The following RGS8 variants were observed in gnomAD, a reference collection of about 807,000 sequenced individuals.
The protein encoded by RGS8 is regulator of G-protein signaling 8.
Under a neutral mutation model 21.7 loss-of-function variants are expected in RGS8, and 8 were observed. The observed-to-expected ratio is 0.37, with a 90% confidence interval of 0.22 to 0.66. The LOEUF is 0.66. RGS8 is among the 30% of genes least tolerant of loss of function. RGS8 has a pLI of 0.59. For synonymous variants in RGS8, 80 were observed against 83.6 expected (o/e 0.96, Z 0.24); for missense variants, 157 against 217.9 (o/e 0.72, Z 1.76).
chr1:182,746,887 T>C, the RGS8 span, among the ~76,000 whole-genome samples: 1 of 151,930 alleles, frequency 6.6e-6, no homozygotes, highest in South Asian at 2.1e-4. Context: ...TGCTCTGACC[T>C]GCATCTCCTA....
At chr1:182,733,873 A>AAGTT in the RGS8 span, 3 of 148,186 alleles carry the variant, frequency 2.0e-5, no homozygotes, top group Non-Finnish European at 4.5e-5. Flanking sequence ...CCTAGATACC[A>AAGTT]AGTTATTTAT....
At chr1:182,743,227 C>T in the RGS8 span, among the ~76,000 whole-genome samples, 1 of 152,134 alleles carries the variant, frequency 6.6e-6, no homozygotes, top group Non-Finnish European at 1.5e-5. Context: ...ACTTTGTGAC[C>T]TCAAAGAAGT....
At chr1:182,658,392 G>A (rs1448966733) in intron 5 of RGS8, 2 of 152,130 alleles carry the variant, frequency 1.3e-5, no homozygotes, top group Admixed American at 6.6e-5. Context: ...AAATACAAGA[G>A]CACAACAACA....
chr1:182,738,138 A>G, the RGS8 span, among the ~76,000 whole-genome samples: 1 of 152,268 alleles, frequency 6.6e-6, no homozygotes. Context: ...AATTCATTAT[A>G]TATTCATTAT....
chr1:182,663,571 C>G (rs1192444603), intron 5 of RGS8, among the ~76,000 whole-genome samples: 1 of 152,144 alleles, frequency 6.6e-6, no homozygotes, highest in Non-Finnish European at 1.5e-5. Context: ...CTCCGTCACC[C>G]AGGCTGGAAT....
the RGS8 span, among the ~76,000 whole-genome samples, chr1:182,706,713 A>G: frequency 2.0e-5 from 3 of 150,694 alleles, no homozygotes; most frequent in African/African-American, 7.3e-5. Context: ...ATATCCACCC[A>G]CCTCAGCCTC....
chr1:182,742,502 C>G, the RGS8 span, among the ~76,000 whole-genome samples: 1 of 152,182 alleles, frequency 6.6e-6, no homozygotes, highest in Admixed American at 6.5e-5. Flanking sequence ...CTCGGGAGGC[C>G]GAGGCTGGCG....
the RGS8 span, among the ~76,000 whole-genome samples, chr1:182,736,238 T>G: frequency 1.3e-5 from 2 of 152,212 alleles, no homozygotes; most frequent in Non-Finnish European, 2.9e-5. Context: ...GTGGTACAAT[T>G]ACCACTAATT....
the RGS8 span, among the ~76,000 whole-genome samples, chr1:182,732,240 C>T: frequency 2.0e-5 from 3 of 149,470 alleles, no homozygotes; most frequent in African/African-American, 7.5e-5. Context: ...TTCTCTCTCT[C>T]TCTCATTCCC....
At chr1:182,685,800 A>G (rs2102461448), upstream of RGS8, among the ~76,000 whole-genome samples, 1 of 152,196 alleles carries the variant, frequency 6.6e-6, no homozygotes, top group East Asian at 1.9e-4. Flanking sequence ...TTTCGACAAA[A>G]TCAGGCCGAT....
At chr1:182,655,233 G>A (rs6680874) in intron 5 of RGS8, among the ~76,000 whole-genome samples, 103,778 of 152,110 alleles carry the variant, frequency 0.68, 36,017 homozygotes, top group Non-Finnish European at 0.75. Context: ...CTAGCTCTGT[G>A]TGACAGTAAC....
chr1:182,695,772 A>T, the RGS8 span, among the ~76,000 whole-genome samples: 5 of 152,218 alleles, frequency 3.3e-5, no homozygotes. Context: ...CAACTGCATC[A>T]TTTACTCAGT....
the RGS8 span, among the ~76,000 whole-genome samples, chr1:182,722,195 T>G: frequency 1.3e-5 from 2 of 149,858 alleles, no homozygotes; most frequent in African/African-American, 4.9e-5. Context: ...GGAAAAATAA[T>G]AAGTGTCCTG....
intron 5 of RGS8, among the ~76,000 whole-genome samples, chr1:182,662,187 G>T (rs1663626193): frequency 1.3e-5 from 2 of 152,148 alleles, no homozygotes; most frequent in South Asian, 4.1e-4. Flanking sequence ...TTTTGCCTGA[G>T]ATTTCAGCCT....
intron 4 of RGS8, among the ~76,000 whole-genome samples, 169 bp downstream of exon 5, chr1:182,666,703 G>A (rs1172722062): frequency 3.3e-5 from 5 of 151,144 alleles, no homozygotes; most frequent in Non-Finnish European, 7.4e-5. Flanking sequence ...TAAGCTATAC[G>A]TTTTGAAAAG....
In RGS8 at chr1:182,647,622, A is replaced by G. The variant is rs999430240; in HGVS notation, c.360+515T>C. Among the ~76,000 whole-genome samples, 8 of 152,360 alleles carry G rather than the reference A, an allele frequency of 5.3e-5. No individual in the cohort carries two copies. The East Asian group carries it at 5.8e-4, about 11-fold the overall frequency. On this transcript the variant is annotated intron_variant, in intron 6 of 6. Coordinates refer to ENST00000483095, the Ensembl canonical transcript of RGS8. ...ATAAGTATAATTAAATAATGTAAATAATTGTAATTACTCATTAATGAGCAG... is the reference window on the plus strand; with the variant it reads ...ATAAGTATAATTAAATAATGTAAATGATTGTAATTACTCATTAATGAGCAG...
the RGS8 span, among the ~76,000 whole-genome samples, chr1:182,713,476 G>A: frequency 2.6e-5 from 4 of 152,212 alleles, no homozygotes; most frequent in East Asian, 3.9e-4. Flanking sequence ...GAGCCACCAC[G>A]CCCGGCCTCT....
At chr1:182,683,777 C>T (rs1219318237) in intron 1 of RGS8, among the ~76,000 whole-genome samples, 2 of 152,136 alleles carry the variant, frequency 1.3e-5, no homozygotes, top group African/African-American at 2.4e-5. Flanking sequence ...TTTAATCTCC[C>T]TCCAACTCAT....
At chr1:182,725,807 CA>C in the RGS8 span, among the ~76,000 whole-genome samples, 1 of 152,216 alleles carries the variant, frequency 6.6e-6, no homozygotes, top group Non-Finnish European at 1.5e-5. Context: ...TTCAATCAGC[CA>C]GGCTTCCCCT....
Sources: gnomAD v4.1 joint callset for allele counts (sites outside exome capture counted in the v4.1 genomes callset) on GRCh38, gnomAD v4.1.1 for gene constraint, MANE v1.5 for transcripts, NCBI Gene and HGNC (gene_info 2026-07-23, HGNC 2026-07-21) for gene names.